The following SVEP1 variants were observed in gnomAD, a reference collection of about 807,000 sequenced individuals.
The protein encoded by SVEP1 is sushi, von Willebrand factor type A, EGF and pentraxin domain containing 1.
Under a neutral mutation model 367.3 loss-of-function variants are expected in SVEP1, and 164 were observed. The observed-to-expected ratio is 0.45, with a 90% CI of 0.39 to 0.51. The LOEUF (loss-of-function observed/expected upper bound fraction) is 0.51. Ranked by LOEUF, SVEP1 falls within the 20% of genes least tolerant of loss-of-function variation. The pLI is 0.00. For missense variants in SVEP1, 4,117 were observed against 4,425.3 expected, an observed-to-expected ratio of 0.93 and a Z score of 1.98; for synonymous variants, 1,666 against 1,611.6, an observed-to-expected ratio of 1.03 and a Z score of -0.81.
At position 110,391,972 on chromosome 9, in the gene SVEP1, TCTC is replaced by T. The variant is rs758698754; in HGVS notation, c.9823-2388_9823-2386del. The stretch of plus-strand genomic sequence containing the variant: ...TCCTCACCACTTGAGTTGGGACTCA[TCTC>T]CTCCTCTATCTTCAGACAGGGTTTT... On this transcript the variant is annotated intron_variant, in intron 40 of 47. Transcript: ENST00000374469. 7.2e-5 allele frequency among the ~76,000 whole-genome samples: 11 copies of T among 151,814 alleles called. No homozygotes were observed. The South Asian group carries it at 1.7e-3, about 23-fold the overall frequency.
intron 18 of SVEP1, among the ~76,000 whole-genome samples, chr9:110,459,422 T>A (rs1405749241): frequency 6.6e-6 from 1 of 152,228 alleles, no homozygotes; most frequent in East Asian, 1.9e-4. Context: ...AGTATAGATT[T>A]TAATAAAATA....
At chr9:110,377,809 A>T (rs537120283) in intron 44 of SVEP1, among the ~76,000 whole-genome samples, 3 of 152,100 alleles carry the variant, frequency 2.0e-5, no homozygotes, top group Admixed American at 2.0e-4. Context: ...GGACATTAGA[A>T]CTCCAGAACT....
intron 17 of SVEP1, among the ~76,000 whole-genome samples, chr9:110,466,760 C>CAAAAAAAAAA (rs71371670): frequency 0.032 from 1,492 of 46,300 alleles, 500 homozygotes; most frequent in African/African-American, 0.084. Context: ...GACTCCATCT[C>CAAAAAAAAAA]AAAAAAAAAA....
intron 3 of SVEP1, among the ~76,000 whole-genome samples, chr9:110,514,777 G>C (rs1200339449): frequency 1.3e-5 from 2 of 152,228 alleles, no homozygotes; most frequent in Middle Eastern, 3.4e-3. Flanking sequence ...AAAAAACTTT[G>C]ATAAGTATGA....
At chr9:110,571,833 C>G (rs1350812507) in intron 1 of SVEP1, among the ~76,000 whole-genome samples, 1 of 152,194 alleles carries the variant, frequency 6.6e-6, no homozygotes, top group Non-Finnish European at 1.5e-5. Flanking sequence ...AGAATACACA[C>G]CCAGAATTGC....
intron 16 of SVEP1, among the ~76,000 whole-genome samples, chr9:110,470,638 G>C (rs1829001303): frequency 6.6e-6 from 1 of 152,046 alleles, no homozygotes; most frequent in African/African-American, 2.4e-5. Context: ...GTTTTGCCAT[G>C]TTGCCCAGGC....
At chr9:110,385,170 A>G (rs1827501356) in intron 43 of SVEP1, among the ~76,000 whole-genome samples, 1 of 152,036 alleles carries the variant, frequency 6.6e-6, no homozygotes, top group Non-Finnish European at 1.5e-5. Context: ...TAGTAGAGAC[A>G]GGGTTTTGCC....
chr9:110,404,665 T>C (rs1827927550), intron 38 of SVEP1, 113 bp from the exon 39 acceptor site: 2 of 959,562 alleles, frequency 2.1e-6, no homozygotes, highest in Admixed American at 2.0e-5. Context: ...GTGCAACATA[T>C]TGATTGTTGC....
rs773699456 is a variant in SVEP1 at position 110,450,092 on chromosome 9, C to T, written c.4070G>A (p.Gly1357Glu). ...DECLSQPCKN[G>E]ATCKDGANSF... ...ATTGGCACCGTCTTTACAGGTAGCT[C>T]CATTTTTGCATGGCTGACTGAGACA... Residue 1357 changes from glycine to glutamate, a missense_variant, in exon 24 of 48, where the codon GGA becomes GAA. Around this residue, in one of 4 missense-constraint regions of SVEP1, gnomAD observed 2,174 missense variants for 2,494.3 expected, o/e 0.87. Transcript: ENST00000374469. 6.2e-7 allele frequency: 1 copy of T among 1,613,796 alleles called. No homozygotes were observed. The highest frequency in any genetic ancestry group is 1.7e-5 in the Admixed American group (1 of 59,994).
intron 1 of SVEP1, among the ~76,000 whole-genome samples, chr9:110,575,701 G>A (rs1018006411): frequency 3.9e-5 from 6 of 152,026 alleles, no homozygotes; most frequent in South Asian, 2.1e-4. Flanking sequence ...AAATTAAAGC[G>A]CTGAGAAAAA....
Position 110,406,672 on chromosome 9 carries a change from A to C in SVEP1, c.8928T>G (p.Phe2976Leu). The change falls in exon 38 of 48, where the codon TTT becomes TTG. Residue 2976 changes from phenylalanine (F) to leucine (L), a missense_variant. Transcript: ENST00000374469. Reference protein sequence around the residue: ...IHGGHIQYQCFPGYKLHGNSS... With the variant: ...IHGGHIQYQCLPGYKLHGNSS... Reference sequence around the variant, plus strand: ...AATTTCCATGGAGCTTATAACCAGGAAAGCACTGATACTGTATATGGCCCC... The same window carrying C: ...AATTTCCATGGAGCTTATAACCAGGCAAGCACTGATACTGTATATGGCCCC... The C allele has an allele frequency of 6.2e-7, 1 of 1,614,028 alleles. No homozygotes were observed. The highest frequency in any genetic ancestry group is 8.5e-7 in the Non-Finnish European group (1 of 1,179,902).
At chr9:110,479,823 T>C (rs1829157834) in intron 12 of SVEP1, 67 bp from the exon 13 acceptor site, 1 of 1,546,900 alleles carries the variant, frequency 6.5e-7, no homozygotes, top group Non-Finnish European at 8.7e-7. Context: ...TGACTTTCTA[T>C]GAAATAATTG....
intron 20 of SVEP1, chr9:110,458,174 G>A: frequency 3.5e-6 from 2 of 578,730 alleles, no homozygotes; most frequent in Admixed American, 4.4e-5. Context: ...CAAATGATGG[G>A]TTGTGCTTGT....
chr9:110,541,864 CATAGATATCTATATATATCTAT>C (rs1830153737), intron 3 of SVEP1, among the ~76,000 whole-genome samples: 4 of 137,220 alleles, frequency 2.9e-5, no homozygotes, highest in African/African-American at 1.1e-4. Flanking sequence ...TATCTATATA[CATAGATATCTATATATATCTAT>C]ATACATAGAT....
chr9:110,528,753 T>C (rs1485415058), intron 3 of SVEP1, among the ~76,000 whole-genome samples: 2 of 151,930 alleles, frequency 1.3e-5, no homozygotes, highest in Non-Finnish European at 2.9e-5. Context: ...TCCCATTCTG[T>C]AGGTTGTTTA....
chr9:110,563,470 CTT>C (rs1458577888), intron 1 of SVEP1, among the ~76,000 whole-genome samples: 1 of 152,060 alleles, frequency 6.6e-6, no homozygotes, highest in Non-Finnish European at 1.5e-5. Context: ...TTAGTAAAGA[CTT>C]TTAATGGTTA....
rs1278210614 is a variant in SVEP1, at chr9:110,483,613, C to G, written c.2011G>C (p.Asp671His). 6.2e-7 allele frequency: 1 copy of G among 1,612,752 alleles called. No individual in the cohort carries two copies. The highest frequency in any genetic ancestry group is 1.1e-5 in the South Asian group (1 of 90,848). The change falls in exon 10 of 48, where the codon GAT becomes CAT. Residue 671 changes from aspartate (D) to histidine (H), a missense_variant. Physicochemically the swap from Asp to His is moderately conservative, Grantham distance 81. This residue lies in a region of SVEP1 where 2,174 missense variants were observed against 2,494.3 expected (regional missense o/e 0.87). Transcript: ENST00000374469. ...VSEKVHAASW[D>H]EPQFSDNSGA... is the part of the protein sequence containing the mutation. ...GAGTTGTCTGAGAACTGAGGCTCAT[C>G]CCAGCTTGCGGCATGTACCTTCTCC...
Position 110,472,272 on chromosome 9 carries a change from A to G in SVEP1, c.2651T>C (p.Phe884Ser), listed in dbSNP as rs768519396. The change falls in exon 15 of 48, where the codon TTC becomes TCC. Residue 884 changes from phenylalanine (F) to serine (S), a missense_variant. Physicochemically the swap from Phe to Ser is radical, Grantham distance 155 (BLOSUM62 -2). Transcript: ENST00000374469. Reference sequence around the variant, plus strand: ...GGCTGTTTCTTGCACAGTGTCCAGGAAGTCATCGTAAGAGTAATCCAGCCT... The same window carrying G: ...GGCTGTTTCTTGCACAGTGTCCAGGGAGTCATCGTAAGAGTAATCCAGCCT... Reference protein sequence around the residue: ...ANRLDYSYDDFLDTVQETATS... With the variant: ...ANRLDYSYDDSLDTVQETATS... 1 of 1,611,910 alleles carries G rather than the reference A, an allele frequency of 6.2e-7. No homozygotes were observed. The highest frequency in any genetic ancestry group is 2.2e-5 in the East Asian group (1 of 44,772).
chr9:110,439,916 T>C (rs1014044975), intron 27 of SVEP1, among the ~76,000 whole-genome samples: 4 of 152,222 alleles, frequency 2.6e-5, no homozygotes, highest in Non-Finnish European at 5.9e-5. Context: ...ATCTACTTTT[T>C]ACTCTTCCAT....
Sources: allele counts gnomAD v4.1 joint callset (sites outside exome capture counted in the v4.1 genomes callset), GRCh38; gene constraint gnomAD v4.1.1; regional missense constraint gnomAD v4.1.1; transcripts MANE v1.5; gene names NCBI Gene and HGNC (gene_info 2026-07-23, HGNC 2026-07-21).